Variants in SYNRG observed in about 807,000 individuals in gnomAD.
The protein encoded by SYNRG is synergin gamma, also known as AP1 gamma subunit binding protein 1.
SYNRG carries 37 observed loss-of-function variants against 130.9 expected under a neutral mutation model. That is an observed-to-expected ratio of 0.28 (90% CI 0.22 to 0.37). The LOEUF (loss-of-function observed/expected upper bound fraction) is 0.37, where lower values mean the gene tolerates loss of function less well. Ranked by LOEUF, SYNRG falls within the 10% of genes least tolerant of loss-of-function variation. SYNRG has a pLI of 1.00. For missense variants in SYNRG, 1,338 were observed against 1,588.9 expected (o/e 0.84, Z 2.68); for synonymous variants, 539 against 568.1 (o/e 0.95, Z 0.73).
chr17:37,520,734 G>A (rs974483383), intron 19 of SYNRG, 86 bp from the exon 20 acceptor site: 2 of 1,116,438 alleles, frequency 1.8e-6, no homozygotes, highest in Non-Finnish European at 2.7e-6. Context: ...CCCCCAGCAG[G>A]CCTAGCGGCA....
In SYNRG at chr17:37,600,344, A is replaced by C. The variant is rs573012494; in HGVS notation, c.118+19T>G. The C allele has an allele frequency of 6.4e-7, 1 of 1,569,400 alleles. No homozygotes were observed. The highest frequency in any genetic ancestry group is 1.2e-5 in the South Asian group (1 of 84,548). The stretch of plus-strand genomic sequence containing the variant: ...ACAAGAGTGAAAAATAAAAGTTCAA[A>C]ACTTAAGCTCTCACATACCTTGAGG... On this transcript the variant is annotated intron_variant, in intron 2 of 21. Transcript: ENST00000612223.
At chr17:37,567,629 A>G (rs527315683) in intron 11 of SYNRG, 1 of 152,326 alleles carries the variant, frequency 6.6e-6, no homozygotes, top group Admixed American at 6.5e-5. Flanking sequence ...TGCATTTAAT[A>G]TATTTTTAAA....
In SYNRG at chr17:37,554,033, C is replaced by G. The variant is rs1489015669; in HGVS notation, c.1690G>C (p.Ala564Pro). The G allele has an allele frequency of 3.1e-6, 5 of 1,604,846 alleles. No homozygotes were observed. The highest frequency in any genetic ancestry group is 4.2e-6 in the Non-Finnish European group (5 of 1,178,082). ...LGESFAEFRS[A>P]GTDDGFTDFK... Reference sequence around the variant, plus strand: ...TCGGTGAAACCATCATCAGTTCCTGCAGATCTGAATTCTGCAAAGCTTTCT... The same window carrying G: ...TCGGTGAAACCATCATCAGTTCCTGGAGATCTGAATTCTGCAAAGCTTTCT... The change falls in exon 14 of 22, where the codon GCA (alanine) becomes CCA (proline). Residue 564 changes from alanine (A) to proline (P), a missense_variant. Ala to Pro is a conservative substitution (Grantham distance 27). Coordinates refer to ENST00000612223, the MANE Select transcript of SYNRG (RefSeq NM_007247.6).
rs552363928 is a variant in SYNRG at position 37,514,873 on chromosome 17, A to C, written c.*4067T>G. 1 of 152,350 alleles carries C rather than the reference A, an allele frequency of 6.6e-6. No homozygotes were observed. Among genetic ancestry groups the C allele is most frequent in the African/African-American group, 2.4e-5 (1 of 41,586 alleles). 9.4% of individuals were successfully genotyped at this position (152,350 alleles called of 1,614,324 possible). ...GGTGATTTCAGAACAGACCCTGAAA[A>C]TATTTTAAAGGTAAAGCTTTATAAT... On this transcript the variant is annotated 3_prime_UTR_variant, in exon 22 of 22. Transcript: ENST00000612223.
intron 6 of SYNRG, chr17:37,579,458 A>T (rs1036772706): frequency 7.7e-7 from 1 of 1,299,976 alleles, no homozygotes; most frequent in African/African-American, 1.5e-5. Flanking sequence ...AATGGCAATG[A>T]AACACACAAA....
chr17:37,564,593 T>C (rs1369710089), intron 11 of SYNRG, among the ~76,000 whole-genome samples: 1 of 152,226 alleles, frequency 6.6e-6, no homozygotes, highest in Non-Finnish European at 1.5e-5. Flanking sequence ...ATGTTCTCCA[T>C]CCCGGTCTAC....
intron 8 of SYNRG, among the ~76,000 whole-genome samples, chr17:37,572,790 A>T (rs1000633239): frequency 2.6e-5 from 4 of 152,230 alleles, no homozygotes; most frequent in African/African-American, 9.6e-5. Context: ...CAAGTGTCTT[A>T]AAAAGGGGGG....
At position 37,607,955 on chromosome 17, in the gene SYNRG, C is replaced by CAAAAAAAAAAA. The variant is rs67822733; in HGVS notation, c.77+1313_77+1323dup. 7.1e-4 allele frequency among the ~76,000 whole-genome samples: 36 copies of CAAAAAAAAAAA among 51,052 alleles called. 1 individual carries two copies. The highest frequency in any genetic ancestry group is 1.3e-3 in the East Asian group (2 of 1,566). 33.5% of individuals were successfully genotyped at this position (51,052 alleles called of 152,430 possible). ...TGGGCAACAGAGCAAGACTTCCTCT[C>CAAAAAAAAAAA]AAAAAAAAAAAAAAAAAAAAAAAAA... On this transcript the variant is annotated intron_variant, in intron 1 of 21. Transcript: ENST00000612223.
At chr17:37,547,958 C>T (rs1261285335) in intron 14 of SYNRG, among the ~76,000 whole-genome samples, 2 of 152,152 alleles carry the variant, frequency 1.3e-5, no homozygotes, top group South Asian at 2.1e-4. Context: ...AAGTCTTTTT[C>T]GCAAAAGAAG....
At chr17:37,584,473 T>C (rs2061547500) in intron 6 of SYNRG, 175 bp downstream of exon 6, 2 of 499,986 alleles carry the variant, frequency 4.0e-6, no homozygotes, top group African/African-American at 1.9e-5. Flanking sequence ...ACAGTTGTTA[T>C]CCAGACCAGA....
At chr17:37,527,411 T>C (rs1434209044) in intron 19 of SYNRG, among the ~76,000 whole-genome samples, 2 of 152,110 alleles carry the variant, frequency 1.3e-5, no homozygotes, top group Non-Finnish European at 1.5e-5. Flanking sequence ...GAAGCAGGCC[T>C]TCAGTCTGTG....
intron 19 of SYNRG, among the ~76,000 whole-genome samples, chr17:37,533,337 G>T (rs2056834426): frequency 1.3e-5 from 2 of 150,816 alleles, no homozygotes; most frequent in South Asian, 4.2e-4. Context: ...GGAGGTGGAG[G>T]TTGCAGTGAG....
chr17:37,559,366 C>T (rs1001392740), intron 13 of SYNRG, among the ~76,000 whole-genome samples: 8 of 151,826 alleles, frequency 5.3e-5, no homozygotes, highest in African/African-American at 1.5e-4. Flanking sequence ...TACCAAGTAC[C>T]GCAACAACAA....
chr17:37,565,177 T>A (rs1234831414), intron 11 of SYNRG, among the ~76,000 whole-genome samples: 2 of 151,672 alleles, frequency 1.3e-5, no homozygotes, highest in Non-Finnish European at 2.9e-5. Flanking sequence ...GGCAGGAGAA[T>A]CACTTGAACC....
At chr17:37,523,098 TG>T (rs2055350880) in intron 19 of SYNRG, among the ~76,000 whole-genome samples, 1 of 152,178 alleles carries the variant, frequency 6.6e-6, no homozygotes, top group African/African-American at 2.4e-5. Context: ...AGAACTAGAA[TG>T]TTTTAAGTAT....
chr17:37,609,254 C>T, intron 1 of SYNRG, 25 bp downstream of exon 1: 4 of 1,418,198 alleles, frequency 2.8e-6, no homozygotes, highest in South Asian at 2.9e-5. Context: ...GGCCAGCGGG[C>T]TCCCGCCCGG....
intron 2 of SYNRG, among the ~76,000 whole-genome samples, chr17:37,596,595 T>C (rs552300712): frequency 6.6e-6 from 1 of 152,264 alleles, no homozygotes; most frequent in East Asian, 1.9e-4. Flanking sequence ...GTATGCATAT[T>C]AAAAAACAGT....
intron 1 of SYNRG, among the ~76,000 whole-genome samples, chr17:37,602,758 G>A (rs1043733942): frequency 1.3e-5 from 2 of 151,922 alleles, no homozygotes; most frequent in Non-Finnish European, 2.9e-5. Flanking sequence ...ATGAGGTGGT[G>A]CATGCCTGTA....
intron 14 of SYNRG, among the ~76,000 whole-genome samples, chr17:37,549,752 G>A (rs1009912125): frequency 5.9e-5 from 9 of 152,020 alleles, no homozygotes; most frequent in Admixed American, 2.6e-4. Flanking sequence ...CACCGTGCCC[G>A]GCTAATTTTT....
Sources: allele counts gnomAD v4.1 joint callset (sites outside exome capture counted in the v4.1 genomes callset), GRCh38; gene constraint gnomAD v4.1.1; transcripts MANE v1.5; gene names NCBI Gene and HGNC (gene_info 2026-07-23, HGNC 2026-07-21).